Variants in GRB10 observed in about 807,000 individuals in gnomAD.
GRB10 encodes the protein growth factor receptor-bound protein 10.
GRB10 carries 20 observed loss-of-function variants against 80.9 expected under a neutral mutation model. The ratio of observed to expected loss-of-function variants is 0.25; its 90% CI spans 0.17 to 0.36. GRB10 has a LOEUF of 0.36. Among genes scored for constraint, GRB10 ranks in the 10% least tolerant of loss-of-function variants. GRB10 has a pLI of 1.00. For synonymous variants in GRB10, 291 were observed against 291.5 expected (o/e 1.00, Z 0.02); for missense variants, 548 against 747.7 (o/e 0.73, Z 3.12).
intron 7 of GRB10, among the ~76,000 whole-genome samples, chr7:50,660,785 C>A (rs17546223): frequency 0.087 from 13,288 of 152,112 alleles, 888 homozygotes; most frequent in Non-Finnish European, 0.11. Context: ...CTGACTCTTG[C>A]GTGCGTGAAG....
At chr7:50,667,061 AGG>A (rs942826984) in intron 7 of GRB10, among the ~76,000 whole-genome samples, 7 of 150,182 alleles carry the variant, frequency 4.7e-5, no homozygotes, top group South Asian at 4.2e-4. Context: ...AAAAAAAAAA[AGG>A]AGAGAGGCAG....
intron 4 of GRB10, among the ~76,000 whole-genome samples, chr7:50,723,953 G>C (rs1385055553): frequency 6.6e-6 from 1 of 152,218 alleles, no homozygotes; most frequent in Non-Finnish European, 1.5e-5. Context: ...CAGTGGCAAG[G>C]AGCTGGTTAA....
chr7:50,597,752 G>A (rs2046920289), intron 17 of GRB10, among the ~76,000 whole-genome samples: 2 of 152,234 alleles, frequency 1.3e-5, no homozygotes, highest in Non-Finnish European at 2.9e-5. Flanking sequence ...TATGCGGGGA[G>A]AATGGCATGG....
chr7:50,678,023 A>G (rs1400949327), intron 5 of GRB10, among the ~76,000 whole-genome samples: 1 of 152,122 alleles, frequency 6.6e-6, no homozygotes, highest in Non-Finnish European at 1.5e-5. Context: ...CCTCTGGGGA[A>G]TTTTCATGTG....
chr7:50,651,734 T>C (rs2058026320), intron 7 of GRB10, among the ~76,000 whole-genome samples: 1 of 152,240 alleles, frequency 6.6e-6, no homozygotes, highest in African/African-American at 2.4e-5. Context: ...TCTAACCTTG[T>C]ATGTATTTGA....
chr7:50,769,405 C>T (rs896681933), intron 2 of GRB10, among the ~76,000 whole-genome samples: 4 of 152,118 alleles, frequency 2.6e-5, no homozygotes, highest in African/African-American at 9.7e-5. Flanking sequence ...CGAGAAAGAA[C>T]CTGTCCTTCA....
At chr7:50,760,282 A>G (rs796456406) in intron 2 of GRB10, among the ~76,000 whole-genome samples, 7 of 152,376 alleles carry the variant, frequency 4.6e-5, no homozygotes, top group African/African-American at 1.7e-4. Context: ...ACAATAGTTT[A>G]TATACATAGG....
chr7:50,734,994 T>C (rs1451194611), intron 3 of GRB10, among the ~76,000 whole-genome samples: 1 of 152,058 alleles, frequency 6.6e-6, no homozygotes, highest in Non-Finnish European at 1.5e-5. Flanking sequence ...GGGATCCAAA[T>C]TGGAAAGGAG....
intron 18 of GRB10, among the ~76,000 whole-genome samples, chr7:50,594,252 C>T (rs1298430914): frequency 6.6e-6 from 1 of 152,166 alleles, no homozygotes; most frequent in Non-Finnish European, 1.5e-5. Flanking sequence ...CCTCATTTTC[C>T]TCACGAGTAA....
chr7:50,625,610 C>G (rs1333651800), intron 8 of GRB10, among the ~76,000 whole-genome samples: 1 of 152,150 alleles, frequency 6.6e-6, no homozygotes, highest in African/African-American at 2.4e-5. Context: ...AACTGTGGAC[C>G]TAGTAAGTGA....
At chr7:50,786,195 TA>T (rs1478997213), upstream of GRB10, among the ~76,000 whole-genome samples, 1 of 151,582 alleles carries the variant, frequency 6.6e-6, no homozygotes, top group African/African-American at 2.4e-5. Flanking sequence ...TCCCAAAACC[TA>T]AAAACAACAC....
At chr7:50,705,263 T>C (rs2064878607) in intron 4 of GRB10, 1 of 985,730 alleles carries the variant, frequency 1.0e-6, no homozygotes, top group Non-Finnish European at 1.2e-6. Flanking sequence ...ATCTACCACT[T>C]AGAAGGAGGA....
At chr7:50,645,513 C>T (rs1313031719) in intron 7 of GRB10, 8 of 754,538 alleles carry the variant, frequency 1.1e-5, no homozygotes, top group Non-Finnish European at 6.5e-6. Flanking sequence ...TAAAACCAAG[C>T]AAACAAAAAG....
intron 14 of GRB10, among the ~76,000 whole-genome samples, 178 bp downstream of exon 14, chr7:50,606,159 C>T (rs538197347): frequency 5.9e-5 from 9 of 152,316 alleles, no homozygotes; most frequent in East Asian, 1.9e-4. Context: ...CACTCCCTGT[C>T]GTTGCACTGT....
chr7:50,773,709 A>G (rs566420525), intron 2 of GRB10, among the ~76,000 whole-genome samples: 3 of 152,280 alleles, frequency 2.0e-5, no homozygotes, highest in South Asian at 2.1e-4. Context: ...ATATACAAAA[A>G]CATGGAAAGC....
intron 4 of GRB10, among the ~76,000 whole-genome samples, chr7:50,720,587 C>A (rs951546710): frequency 4.6e-5 from 7 of 152,060 alleles, no homozygotes; most frequent in Non-Finnish European, 1.0e-4. Context: ...GGAAAAATAA[C>A]AGTGAAAGCA....
intron 15 of GRB10, 174 bp downstream of exon 15, chr7:50,605,116 G>A (rs2048300845): frequency 1.6e-6 from 1 of 635,720 alleles, no homozygotes; most frequent in Non-Finnish European, 2.8e-6. Context: ...TGGGTGCTGG[G>A]AACATGGAAG....
Position 50,605,280 on chromosome 7 carries a change from G to A in GRB10, c.1389+10C>T, listed in dbSNP as rs371741953. On this transcript the variant is annotated intron_variant, in intron 15 of 18. Transcript: ENST00000401949. ...GTGCCCCTCCAGGCTGGCCAGGGCC[G>A]GGGCCTTACCCTCCAGGCGTGGCCC... 152 of 1,598,698 alleles carry A rather than the reference G, an allele frequency of 9.5e-5. No homozygotes were observed. Among genetic ancestry groups the A allele is most frequent in the Non-Finnish European group, 1.1e-4 (134 of 1,167,574 alleles).
chr7:50,612,970 G>C (rs1585674622), intron 12 of GRB10, 131 bp from the exon 13 acceptor site: 1 of 712,582 alleles, frequency 1.4e-6, no homozygotes, highest in East Asian at 2.7e-5. Flanking sequence ...GAGCACAGCA[G>C]ATACACACAC....
Sources: gnomAD v4.1 joint callset for allele counts (sites outside exome capture counted in the v4.1 genomes callset) on GRCh38, gnomAD v4.1.1 for gene constraint, MANE v1.5 for transcripts, NCBI Gene and HGNC (gene_info 2026-07-23, HGNC 2026-07-21) for gene names.